Variants in MAPRE2 observed in about 807,000 individuals in gnomAD.
The protein encoded by MAPRE2 is microtubule-associated protein RP/EB family member 2.
In MAPRE2, 13 loss-of-function variants were observed where a neutral mutation model predicts 43.2. The ratio of observed to expected loss-of-function variants is 0.30; its 90% CI spans 0.20 to 0.48. The LOEUF (loss-of-function observed/expected upper bound fraction) is 0.48, where lower values mean the gene tolerates loss of function less well. MAPRE2 is among the 20% of genes least tolerant of loss of function. The probability of loss-of-function intolerance (pLI) is 0.99; values close to 1 mark genes in which losing one functional copy is unlikely to be tolerated. For synonymous variants in MAPRE2, 135 were observed against 148.8 expected (o/e 0.91, Z 0.68); for missense variants, 161 against 400.2 (o/e 0.40, Z 5.10).
chr18:35,088,266 T>A (rs1386693149), intron 2 of MAPRE2, among the ~76,000 whole-genome samples: 2 of 152,210 alleles, frequency 1.3e-5, no homozygotes, highest in Non-Finnish European at 2.9e-5. Context: ...AGATGACATA[T>A]AAGCTTTCAT....
intron 1 of MAPRE2, among the ~76,000 whole-genome samples, chr18:34,980,031 C>CTTTTTTTTTTTT (rs796434537): frequency 2.8e-4 from 13 of 46,154 alleles, no homozygotes; most frequent in South Asian, 9.3e-4. Context: ...TTCTTTTTTT[C>CTTTTTTTTTTTT]TTTTTTTTTT....
At chr18:35,054,686 TTTTG>T (rs796286197) in intron 1 of MAPRE2, among the ~76,000 whole-genome samples, 55 of 152,336 alleles carry the variant, frequency 3.6e-4, no homozygotes, top group East Asian at 3.3e-3. Context: ...GTGTGGGTTT[TTTTG>T]TTTGTTTGTT....
At chr18:34,985,552 T>A (rs1212457011) in intron 1 of MAPRE2, among the ~76,000 whole-genome samples, 1 of 61,864 alleles carries the variant, frequency 1.6e-5, no homozygotes, top group African/African-American at 6.2e-5. Context: ...AATATATATA[T>A]TATATATTAT....
chr18:35,090,501 G>A (rs1170074994), intron 2 of MAPRE2, among the ~76,000 whole-genome samples: 1 of 152,128 alleles, frequency 6.6e-6, no homozygotes, highest in Non-Finnish European at 1.5e-5. Context: ...GGAGTCCAAG[G>A]CAGGAAGATC....
intron 4 of MAPRE2, among the ~76,000 whole-genome samples, chr18:35,123,941 A>G (rs1014768122): frequency 6.6e-6 from 1 of 152,198 alleles, no homozygotes; most frequent in Non-Finnish European, 1.5e-5. Context: ...ACAACAGTGG[A>G]AAGTGTTCAG....
chr18:34,999,836 C>T (rs752392615), intron 1 of MAPRE2, among the ~76,000 whole-genome samples: 13 of 152,088 alleles, frequency 8.5e-5, no homozygotes, highest in Non-Finnish European at 1.3e-4. Flanking sequence ...CTCTGTGCTT[C>T]CTGGCAGTCT....
At chr18:35,097,418 C>A (rs1049102765) in intron 2 of MAPRE2, 28 bp from the exon 3 acceptor site, 2 of 1,609,848 alleles carry the variant, frequency 1.2e-6, no homozygotes, top group African/African-American at 2.7e-5. Flanking sequence ...GTGAGACTCA[C>A]TCCAGTACTG....
chr18:34,999,625 A>G (rs1219831469), intron 1 of MAPRE2, among the ~76,000 whole-genome samples: 2 of 152,216 alleles, frequency 1.3e-5, no homozygotes, highest in Non-Finnish European at 2.9e-5. Flanking sequence ...CATTCTTAAT[A>G]TATACCACCC....
At chr18:35,131,450 G>A (rs981933564) in intron 5 of MAPRE2, among the ~76,000 whole-genome samples, 4 of 152,090 alleles carry the variant, frequency 2.6e-5, no homozygotes, top group East Asian at 1.9e-4. Context: ...AGATCAAGGC[G>A]CCAGTAGATT....
intron 1 of MAPRE2, among the ~76,000 whole-genome samples, chr18:35,003,883 C>T (rs955967210): frequency 1.2e-4 from 19 of 152,212 alleles, no homozygotes; most frequent in Non-Finnish European, 1.9e-4. Flanking sequence ...ATAACGTATT[C>T]GTAAAATTAA....
chr18:35,021,400 A>G (rs1373138605), intron 2 of MAPRE2, among the ~76,000 whole-genome samples: 2 of 152,220 alleles, frequency 1.3e-5, no homozygotes, highest in African/African-American at 4.8e-5. Flanking sequence ...AAATGGACAA[A>G]GTTCTGGAAG....
rs577699371 is a variant in MAPRE2, at chr18:35,106,025, C to T, written c.610+3866C>T. Among the ~76,000 whole-genome samples, 18 of 152,188 alleles carry T rather than the reference C, an allele frequency of 1.2e-4. No homozygotes were observed. The South Asian group carries it at 2.7e-3, about 23-fold the overall frequency. On this transcript the variant is annotated intron_variant, in intron 4 of 6. Coordinates refer to ENST00000300249, the MANE Select transcript of MAPRE2 (RefSeq NM_014268.4). ...CCTGCTTGTGGGAGTCACTCAAAGCCGTTCTCTTTATACACAGTCTGCTTT... is the reference window on the plus strand; with the variant it reads ...CCTGCTTGTGGGAGTCACTCAAAGCTGTTCTCTTTATACACAGTCTGCTTT...
intron 1 of MAPRE2, among the ~76,000 whole-genome samples, chr18:35,049,611 T>C (rs1042577843): frequency 8.5e-5 from 13 of 152,120 alleles, no homozygotes; most frequent in Admixed American, 7.9e-4. Flanking sequence ...GGATGTGAGA[T>C]GGAGAGGTTC....
intron 1 of MAPRE2, among the ~76,000 whole-genome samples, chr18:34,977,322 G>T (rs375318606): frequency 1.3e-5 from 2 of 152,200 alleles, no homozygotes; most frequent in South Asian, 4.1e-4. Context: ...CTCTGGTTCG[G>T]TGCCCCAGCT....
chr18:35,070,181 T>C lies in MAPRE2; in HGVS notation c.123-14T>C, dbSNP rs76310033. ...AATTTCCTTGTTGTTAAATAAACTT[T>C]GTTTTTTTTCTAGTTGGGGAATGGC... is the stretch of plus-strand genomic sequence containing the variant. On this transcript the variant is annotated splice_polypyrimidine_tract_variant and intron_variant, in intron 1 of 6. Coordinates refer to ENST00000300249, the MANE Select transcript of MAPRE2 (RefSeq NM_014268.4). 8,179 of 1,577,722 alleles carry C rather than the reference T, an allele frequency of 5.2e-3. 378 individuals are homozygous for C. In the African/African-American group the frequency reaches 0.099, roughly 19 times the overall value.
intron 1 of MAPRE2, among the ~76,000 whole-genome samples, chr18:34,991,369 G>A (rs1030844657): frequency 2.6e-5 from 4 of 152,232 alleles, no homozygotes; most frequent in Admixed American, 6.5e-5. Context: ...AGGAGAGACC[G>A]AGTAGAGCTT....
intron 3 of MAPRE2, among the ~76,000 whole-genome samples, chr18:35,100,162 C>T (rs78323688): frequency 0.013 from 1,928 of 152,280 alleles, 37 homozygotes; most frequent in African/African-American, 0.044. Context: ...TTGTAACTAT[C>T]TTGTGATTCA....
At chr18:35,060,603 T>C (rs1272265783) in intron 1 of MAPRE2, among the ~76,000 whole-genome samples, 1 of 152,178 alleles carries the variant, frequency 6.6e-6, no homozygotes, top group Non-Finnish European at 1.5e-5. Context: ...AATTTTGTCA[T>C]ACCCTGGATA....
intron 2 of MAPRE2, among the ~76,000 whole-genome samples, chr18:35,084,818 G>C (rs1907795284): frequency 6.6e-6 from 1 of 152,228 alleles, no homozygotes; most frequent in African/African-American, 2.4e-5. Context: ...AGGAAGCTCA[G>C]CTGAGGACCA....
Sources: gnomAD v4.1 joint callset for allele counts (sites outside exome capture counted in the v4.1 genomes callset) on GRCh38, gnomAD v4.1.1 for gene constraint, MANE v1.5 for transcripts, NCBI Gene and HGNC (gene_info 2026-07-23, HGNC 2026-07-21) for gene names.